MYO5B: variants seen among roughly 807,000 people sequenced by gnomAD.
The protein encoded by MYO5B is myosin VB.
In MYO5B, 143 loss-of-function variants were observed where a neutral mutation model predicts 229.3. The ratio of observed to expected loss-of-function variants is 0.62; its 90% CI spans 0.54 to 0.72. The LOEUF (loss-of-function observed/expected upper bound fraction) is 0.72. Ranked by LOEUF, MYO5B falls within the 30% of genes least tolerant of loss-of-function variation. MYO5B has a pLI of 0.00. For missense variants in MYO5B, 2,321 were observed against 2,331.0 expected (o/e 1.00, Z 0.09); for synonymous variants, 918 against 885.2 (o/e 1.04, Z -0.66).
At chr18:49,945,268 T>C (rs1192611011) in intron 14 of MYO5B, among the ~76,000 whole-genome samples, 2 of 152,284 alleles carry the variant, frequency 1.3e-5, no homozygotes, top group Middle Eastern at 3.4e-3. Flanking sequence ...TTCCTGTTAC[T>C]ATGATTCACA....
At chr18:49,983,124 T>C (rs1433600041) in intron 8 of MYO5B, among the ~76,000 whole-genome samples, 2 of 152,206 alleles carry the variant, frequency 1.3e-5, no homozygotes, top group Admixed American at 1.3e-4. Flanking sequence ...TATCAACTTA[T>C]CTCTCAGCTT....
intron 14 of MYO5B, among the ~76,000 whole-genome samples, chr18:49,946,868 T>C (rs1470361994): frequency 6.6e-6 from 1 of 152,172 alleles, no homozygotes; most frequent in Non-Finnish European, 1.5e-5. Context: ...ATTTGTTTTA[T>C]AAACTCAAAT....
chr18:49,824,846 T>C lies in MYO5B; in HGVS notation c.*1625A>G, dbSNP rs1369643733. ...ATGTTTAATGTGGATGTAGAGGGGA[T>C]AATGCCCATGACAACTGATTGGAAC... is the stretch of plus-strand genomic sequence containing the variant. On this transcript the variant is annotated 3_prime_UTR_variant, in exon 40 of 40. Transcript: ENST00000285039. The C allele has an allele frequency of 6.6e-6, 1 of 152,200 alleles. No individual in the cohort carries two copies. Among genetic ancestry groups the C allele is most frequent in the Non-Finnish European group, 1.5e-5 (1 of 68,044 alleles). The allele number at this position is 152,200 out of a possible 1,614,324, so 9.4% of individuals were successfully genotyped here.
At position 49,877,864 on chromosome 18, in the gene MYO5B, G is replaced by T; in HGVS notation, c.3295C>A (p.Arg1099=). ...AAGCTACTTTGGTTTGATGGGTTCC[G>T]CCTATGACCTGGAGTTTGCTGTTCA... The part of the protein sequence containing the change: ...TIIKQTPGHR[R]NPSNQSSLES... The change falls in exon 25 of 40, where the codon CGG becomes AGG. Residue 1099 remains arginine (R), a synonymous_variant. Coordinates refer to ENST00000285039, the MANE Select transcript of MYO5B (RefSeq NM_001080467.3). 1 of 1,614,082 alleles carries T rather than the reference G, an allele frequency of 6.2e-7. No homozygotes were observed. The highest frequency in any genetic ancestry group is 8.5e-7 in the Non-Finnish European group (1 of 1,179,980).
In MYO5B at chr18:49,839,088, T is replaced by G. The variant is rs889711189; in HGVS notation, c.4852+56A>C. The G allele has an allele frequency of 6.2e-6, 10 of 1,607,166 alleles. No homozygotes were observed. The African/African-American group carries it at 9.4e-5, about 15-fold the overall frequency. On this transcript the variant is annotated intron_variant, in intron 36 of 39. Transcript: ENST00000285039. ...AAAGGCAGAGGGTGCTGACCACGCC[T>G]TCCCCTCATTTCAGACACCATGATG...
At chr18:50,181,557 A>G (rs1378353399) in intron 1 of MYO5B, among the ~76,000 whole-genome samples, 1 of 152,244 alleles carries the variant, frequency 6.6e-6, no homozygotes, top group Non-Finnish European at 1.5e-5. Context: ...TATTGTCACC[A>G]TAGGGAGGAC....
intron 12 of MYO5B, among the ~76,000 whole-genome samples, chr18:49,959,332 G>GAATAC (rs2025530889): frequency 6.6e-6 from 1 of 152,186 alleles, no homozygotes; most frequent in African/African-American, 2.4e-5. Context: ...TCATGTGAAT[G>GAATAC]AATACATAAA....
At chr18:49,980,413 A>G in intron 9 of MYO5B, 31 bp downstream of exon 9, 1 of 1,467,030 alleles carries the variant, frequency 6.8e-7, no homozygotes, top group Non-Finnish European at 9.6e-7. Context: ...AATTGTGTTC[A>G]TTTTATCTCC....
intron 4 of MYO5B, among the ~76,000 whole-genome samples, chr18:50,033,761 C>T (rs2026416502): frequency 6.6e-6 from 1 of 152,134 alleles, no homozygotes; most frequent in Non-Finnish European, 1.5e-5. Flanking sequence ...AGGATTTTAA[C>T]ACCCCCTTTT....
chr18:50,016,600 C>T (rs1374790401), intron 4 of MYO5B, among the ~76,000 whole-genome samples: 2 of 152,138 alleles, frequency 1.3e-5, no homozygotes, highest in Admixed American at 6.5e-5. Context: ...TTTTCTTGTC[C>T]ACCTTCTCTA....
chr18:49,896,352 GATCTAAGGCATCACAAAGAAGAA>G (rs1328409784), intron 21 of MYO5B, among the ~76,000 whole-genome samples: 1 of 152,158 alleles, frequency 6.6e-6, no homozygotes, highest in Non-Finnish European at 1.5e-5. Context: ...CTGCAGCCTT[GATCTAAGGCATCACAAAGAAGAA>G]ATCCAATCAA....
chr18:50,041,656 A>C (rs976462566), intron 2 of MYO5B, among the ~76,000 whole-genome samples: 4 of 152,202 alleles, frequency 2.6e-5, no homozygotes, highest in Non-Finnish European at 4.4e-5. Context: ...AAATAAGTTT[A>C]GATAGAACAA....
At chr18:49,974,324 T>TA in intron 10 of MYO5B, 26 bp downstream of exon 10, 1 of 1,614,106 alleles carries the variant, frequency 6.2e-7, no homozygotes, top group Non-Finnish European at 8.5e-7. Flanking sequence ...AGGTAGCAGA[T>TA]AGAGCGAGAC....
intron 22 of MYO5B, among the ~76,000 whole-genome samples, chr18:49,881,800 CAA>C (rs10611314): frequency 1.2e-4 from 17 of 140,356 alleles, no homozygotes; most frequent in East Asian, 8.1e-4. Flanking sequence ...GACTCCGTCT[CAA>C]AAAAAAAAAA....
At chr18:50,032,149 G>GC (rs147394010) in intron 4 of MYO5B, among the ~76,000 whole-genome samples, 3,038 of 152,242 alleles carry the variant, frequency 0.02, 98 homozygotes, top group African/African-American at 0.069. Flanking sequence ...AGTTAAACTT[G>GC]CCTAGGTACA....
At chr18:50,003,270 A>G (rs764785490) in intron 4 of MYO5B, among the ~76,000 whole-genome samples, 15 of 152,226 alleles carry the variant, frequency 9.9e-5, no homozygotes, top group Non-Finnish European at 1.9e-4. Flanking sequence ...AAAAAAATGT[A>G]TATTTCAAAT....
intron 12 of MYO5B, among the ~76,000 whole-genome samples, chr18:49,961,934 G>GT (rs2025563810): frequency 6.6e-6 from 1 of 152,194 alleles, no homozygotes; most frequent in Non-Finnish European, 1.5e-5. Context: ...ACTCTCTAGG[G>GT]ATGCCCATTA....
At chr18:49,990,571 T>G in intron 6 of MYO5B, 51 bp from the exon 7 acceptor site, 1 of 1,461,290 alleles carries the variant, frequency 6.8e-7, no homozygotes, top group Non-Finnish European at 9.6e-7. Context: ...TCTAACATCG[T>G]TCCCTCTGCC....
In MYO5B at chr18:50,040,270, G is replaced by C. The variant is rs200086960; in HGVS notation, c.183C>G (p.Phe61Leu). The C allele has an allele frequency of 3.5e-4, 572 of 1,614,122 alleles. 5 individuals are homozygous for C. The South Asian group carries it at 5.5e-3, about 16-fold the overall frequency. ...PIDVQRNQLP[F>L]LRNPDILVGE... ...CCACCAAGATATCTGGATTCCGTAA[G>C]AAGGGCAGCTGGTTGCGTTGTACAT... The change falls in exon 3 of 40, where the codon TTC becomes TTG. Residue 61 changes from phenylalanine (F) to leucine (L), a missense_variant. Around this residue, in one of 2 missense-constraint regions of MYO5B, gnomAD observed 2,113 missense variants for 2,044.7 expected, o/e 1.03. Coordinates refer to ENST00000285039, the MANE Select transcript of MYO5B (RefSeq NM_001080467.3).
Sources: allele counts gnomAD v4.1 joint callset (sites outside exome capture counted in the v4.1 genomes callset), GRCh38; gene constraint gnomAD v4.1.1; regional missense constraint gnomAD v4.1.1; transcripts MANE v1.5; gene names NCBI Gene and HGNC (gene_info 2026-07-23, HGNC 2026-07-21).